Variants in ADSL observed in about 807,000 individuals in gnomAD.
ADSL encodes adenylosuccinase.
ADSL carries 44 observed loss-of-function variants against 62.1 expected under a neutral mutation model. That is an observed-to-expected ratio of 0.71 (90% CI 0.56 to 0.91). The LOEUF (loss-of-function observed/expected upper bound fraction) is 0.91, where lower values mean the gene tolerates loss of function less well. Among genes scored for constraint, ADSL ranks in the 40% least tolerant of loss-of-function variants. ADSL has a pLI of 0.00. For synonymous variants in ADSL, 198 were observed against 220.5 expected (o/e 0.90, Z 0.90); for missense variants, 531 against 627.4 (o/e 0.85, Z 1.64).
intron 1 of ADSL, 80 bp downstream of exon 1, chr22:40,346,791 G>A (rs530227423): frequency 4.2e-6 from 6 of 1,441,826 alleles, no homozygotes; most frequent in Non-Finnish European, 5.6e-6. Context: ...TCCGGGCTGG[G>A]CTTAGCCACC....
At chr22:40,377,982 G>T (rs559302408) in intron 2 of ADSL, among the ~76,000 whole-genome samples, 17 of 152,284 alleles carry the variant, frequency 1.1e-4, no homozygotes, top group African/African-American at 4.1e-4. Context: ...CCAAAGAGTA[G>T]ATATTACTAG....
chr22:40,379,782 C>T (rs1210619380), intron 2 of ADSL, among the ~76,000 whole-genome samples: 1 of 152,158 alleles, frequency 6.6e-6, no homozygotes, highest in African/African-American at 2.4e-5. Flanking sequence ...AATCTCCACT[C>T]ACTGCAACCT....
At chr22:40,360,591 A>G (rs780914746) in intron 7 of ADSL, 99 bp downstream of exon 7, 2 of 822,600 alleles carry the variant, frequency 2.4e-6, no homozygotes, top group Non-Finnish European at 2.0e-6. Context: ...CTCTCAAGCA[A>G]TATTTTACAT....
intron 3 of ADSL, chr22:40,353,548 T>C: frequency 1.6e-6 from 1 of 611,268 alleles, no homozygotes; most frequent in Non-Finnish European, 2.9e-6. Flanking sequence ...CCTTTCAAAG[T>C]GTTGGGATTA....
At chr22:40,376,006 CCA>C (rs1569130768) in intron 2 of ADSL, among the ~76,000 whole-genome samples, 1 of 151,496 alleles carries the variant, frequency 6.6e-6, no homozygotes, top group Non-Finnish European at 1.5e-5. Context: ...ACACCACACA[CCA>C]CACACTCCAG....
In ADSL at chr22:40,382,269, T is replaced by A. The variant is rs534371274; in HGVS notation, c.90-7961T>A. Reference sequence around the variant, plus strand: ...CCATTTATCTATTGCTGTTTACTGATCACTCCAGAATTTAGCAGCTTAAAG... The same window carrying A: ...CCATTTATCTATTGCTGTTTACTGAACACTCCAGAATTTAGCAGCTTAAAG... On this transcript the variant is annotated intron_variant, in intron 2 of 2. Coordinates refer to the ADSL transcript ENST00000498234. Among the ~76,000 whole-genome samples, 223 of 152,318 alleles carry A rather than the reference T, an allele frequency of 1.5e-3. 1 individual carries two copies. Among genetic ancestry groups the A allele is most frequent in the Non-Finnish European group, 2.0e-3 (139 of 68,016 alleles).
At chr22:40,384,649 G>C (rs2003667) in intron 2 of ADSL, among the ~76,000 whole-genome samples, 5,162 of 151,678 alleles carry the variant, frequency 0.034, 132 homozygotes, top group Middle Eastern at 0.059. Context: ...GCATGGTGGC[G>C]GGCGCCTGTA....
intron 2 of ADSL, chr22:40,350,328 A>G (rs987867286): frequency 5.7e-6 from 2 of 350,670 alleles, no homozygotes; most frequent in African/African-American, 4.3e-5. Context: ...GGGTTTCACC[A>G]TGTTAGCCAG....
chr22:40,373,336 T>G (rs1432458394), downstream of ADSL: 2 of 152,260 alleles, frequency 1.3e-5, no homozygotes, highest in African/African-American at 2.4e-5. Context: ...CTCCTGCTTT[T>G]CCTTTCTAGA....
intron 7 of ADSL, 73 bp downstream of exon 7, chr22:40,360,565 T>A (rs2044744531): frequency 9.4e-7 from 1 of 1,060,034 alleles, no homozygotes; most frequent in Non-Finnish European, 1.5e-6. Flanking sequence ...AACCTCAGAC[T>A]TTTACTTAAC....
At position 40,354,716 on chromosome 22, in the gene ADSL, C is replaced by T. The variant is rs2044482357; in HGVS notation, c.482+389C>T. 2.6e-5 allele frequency among the ~76,000 whole-genome samples: 4 copies of T among 151,924 alleles called. No homozygotes were observed. In the South Asian group the frequency reaches 6.2e-4, roughly 24 times the overall value. ...TGAAACGCTGTCTCTACTAAAAATA[C>T]AAACATTAGCCAGATTTGGTAGCAT... On this transcript the variant is annotated intron_variant, in intron 4 of 12. Transcript: ENST00000623063.
At chr22:40,352,276 C>T (rs1306207298) in intron 2 of ADSL, among the ~76,000 whole-genome samples, 1 of 151,938 alleles carries the variant, frequency 6.6e-6, no homozygotes, top group Non-Finnish European at 1.5e-5. Flanking sequence ...ACCTGTAATC[C>T]CAGCACTTTG....
chr22:40,377,444 AT>A (rs1273727086), intron 2 of ADSL, among the ~76,000 whole-genome samples: 1 of 152,172 alleles, frequency 6.6e-6, no homozygotes, highest in Non-Finnish European at 1.5e-5. Flanking sequence ...CTTCCAATAC[AT>A]TCCTGTCTTT....
At chr22:40,371,477 G>A (rs552414489), downstream of ADSL, among the ~76,000 whole-genome samples, 1 of 152,108 alleles carries the variant, frequency 6.6e-6, no homozygotes, top group African/African-American at 2.4e-5. Flanking sequence ...GTAAATTCAA[G>A]TCAAATCAGA....
At chr22:40,350,997 CA>C (rs60188151) in intron 2 of ADSL, among the ~76,000 whole-genome samples, 29 of 151,032 alleles carry the variant, frequency 1.9e-4, no homozygotes, top group Non-Finnish European at 3.5e-4. Context: ...GACCCTGTCT[CA>C]AAAAAAATAC....
chr22:40,350,063 A>T, intron 2 of ADSL, 28 bp downstream of exon 2: 3 of 1,591,488 alleles, frequency 1.9e-6, no homozygotes, highest in Non-Finnish European at 2.6e-6. Context: ...TTATACTTAA[A>T]ACTCAGTCTC....
chr22:40,382,666 G>A (rs750648210), intron 2 of ADSL, among the ~76,000 whole-genome samples: 1 of 152,240 alleles, frequency 6.6e-6, no homozygotes, highest in Admixed American at 6.5e-5. Flanking sequence ...TTCACGGGGA[G>A]TGGATGGGAC....
chr22:40,361,264 C>T lies in ADSL; in HGVS notation c.793-9C>T, dbSNP rs1211861562. 1 of 1,613,848 alleles carries T rather than the reference C, an allele frequency of 6.2e-7. No homozygotes were observed. The highest frequency in any genetic ancestry group is 8.5e-7 in the Non-Finnish European group (1 of 1,179,772). ...TGTGGGGTGATGCTTATTCCCCTAC[C>T]TCCCCCAGATTTGCACCGACATACG... On this transcript the variant is annotated splice_polypyrimidine_tract_variant and intron_variant, in intron 7 of 12. Transcript: ENST00000623063.
intron 2 of ADSL, among the ~76,000 whole-genome samples, chr22:40,351,498 T>C (rs913258539): frequency 1.3e-5 from 2 of 151,474 alleles, no homozygotes; most frequent in African/African-American, 4.9e-5. Context: ...ATAGGGACAG[T>C]GTTTCACCAT....
Sources: allele counts gnomAD v4.1 joint callset (sites outside exome capture counted in the v4.1 genomes callset), GRCh38; gene constraint gnomAD v4.1.1; transcripts MANE v1.5; gene names NCBI Gene and HGNC (gene_info 2026-07-23, HGNC 2026-07-21).